The following TMEM117 variants were observed in gnomAD, a reference collection of about 807,000 sequenced individuals.
The protein encoded by TMEM117 is transmembrane protein 117.
TMEM117 carries 27 observed loss-of-function variants against 52.4 expected under a neutral mutation model. The observed-to-expected ratio is 0.51, with a 90% CI of 0.38 to 0.71. TMEM117 has a LOEUF of 0.71. TMEM117 is among the 30% of genes least tolerant of loss of function. TMEM117 has a pLI of 0.00. For missense variants in TMEM117, 556 were observed against 630.5 expected, an observed-to-expected ratio of 0.88 and a Z score of 1.26; for synonymous variants, 215 against 206.3, an observed-to-expected ratio of 1.04 and a Z score of -0.36.
At chr12:44,105,080 T>C (rs968006489) in intron 3 of TMEM117, among the ~76,000 whole-genome samples, 4 of 152,000 alleles carry the variant, frequency 2.6e-5, no homozygotes, top group Non-Finnish European at 5.9e-5. Flanking sequence ...CTTTCTCTCT[T>C]TCTCTTTCTG....
At chr12:44,002,180 A>T (rs1297883883) in intron 3 of TMEM117, among the ~76,000 whole-genome samples, 1 of 152,190 alleles carries the variant, frequency 6.6e-6, no homozygotes, top group Non-Finnish European at 1.5e-5. Flanking sequence ...CCAAGAGAAC[A>T]CCTGCACGAG....
intron 2 of TMEM117, among the ~76,000 whole-genome samples, chr12:43,932,071 C>T (rs993159266): frequency 2.6e-5 from 4 of 151,984 alleles, no homozygotes; most frequent in Admixed American, 1.3e-4. Flanking sequence ...TTGTGTTTCC[C>T]GTATTTACCA....
intron 3 of TMEM117, among the ~76,000 whole-genome samples, chr12:44,110,177 T>G: frequency 8.0e-6 from 1 of 124,782 alleles, no homozygotes; most frequent in South Asian, 2.9e-4. Context: ...ACTTCCTCTT[T>G]TCCTAATTGA....
At chr12:44,160,639 C>G (rs1006136896) in intron 4 of TMEM117, among the ~76,000 whole-genome samples, 1 of 151,796 alleles carries the variant, frequency 6.6e-6, no homozygotes, top group Non-Finnish European at 1.5e-5. Flanking sequence ...ACTGGCTCCA[C>G]AAAAAATTTA....
intron 2 of TMEM117, among the ~76,000 whole-genome samples, chr12:43,850,754 G>C (rs769926589): frequency 1.2e-4 from 18 of 152,120 alleles, no homozygotes; most frequent in Non-Finnish European, 2.4e-4. Flanking sequence ...TATTGGCTTG[G>C]TATATGATAA....
chr12:44,320,035 C>T (rs1270612913), intron 6 of TMEM117, among the ~76,000 whole-genome samples: 2 of 152,184 alleles, frequency 1.3e-5, no homozygotes, highest in Admixed American at 6.5e-5. Flanking sequence ...CCTAAGACTT[C>T]TGCTGAATTT....
intron 6 of TMEM117, among the ~76,000 whole-genome samples, chr12:44,361,144 C>T (rs1951715556): frequency 6.6e-6 from 1 of 152,090 alleles, no homozygotes; most frequent in African/African-American, 2.4e-5. Context: ...ATTAAAGCTA[C>T]CCACTGAGAA....
At chr12:43,888,756 G>A (rs1251436394) in intron 2 of TMEM117, among the ~76,000 whole-genome samples, 1 of 151,954 alleles carries the variant, frequency 6.6e-6, no homozygotes, top group East Asian at 1.9e-4. Context: ...CACCACGTTA[G>A]CCAGGATGGT....
At chr12:44,385,702 A>C (rs572257211) in intron 7 of TMEM117, among the ~76,000 whole-genome samples, 1 of 152,348 alleles carries the variant, frequency 6.6e-6, no homozygotes, top group South Asian at 2.1e-4. Context: ...TACAGTTTAC[A>C]GCAAGAGAAT....
intron 2 of TMEM117, among the ~76,000 whole-genome samples, chr12:43,875,769 C>T (rs1247025525): frequency 6.6e-6 from 1 of 152,102 alleles, no homozygotes; most frequent in Non-Finnish European, 1.5e-5. Flanking sequence ...TTGGGCCGGG[C>T]TAACAGTGAA....
At chr12:43,904,034 C>T (rs967328486) in intron 2 of TMEM117, among the ~76,000 whole-genome samples, 1 of 152,042 alleles carries the variant, frequency 6.6e-6, no homozygotes, top group Non-Finnish European at 1.5e-5. Context: ...AAGTGAATGC[C>T]TGGTCATTTT....
intron 4 of TMEM117, among the ~76,000 whole-genome samples, chr12:44,153,055 C>G (rs1028110742): frequency 6.6e-6 from 1 of 151,454 alleles, no homozygotes; most frequent in Non-Finnish European, 1.5e-5. Context: ...TCCAGAAGTA[C>G]TACAAAAGAA....
rs368779839 is a variant in TMEM117 at position 43,907,231 on chromosome 12, A to G, written c.278-36979A>G. On this transcript the variant is annotated intron_variant, in intron 2 of 7. Transcript: ENST00000266534. ...TAACTGGGAGGCACCCCCCGGCAGG[A>G]GCAGACTGACACCTCACACGGCCGG... is the stretch of plus-strand genomic sequence containing the variant. Among the ~76,000 whole-genome samples the G allele has an allele frequency of 3.2e-3, 480 of 150,264 alleles. 1 individual carries two copies. The highest frequency in any genetic ancestry group is 6.9e-3 in the Middle Eastern group (2 of 290).
chr12:43,846,609 T>C (rs1186445838), intron 2 of TMEM117, among the ~76,000 whole-genome samples: 2 of 152,230 alleles, frequency 1.3e-5, no homozygotes, highest in Non-Finnish European at 2.9e-5. Flanking sequence ...TTTGCCTTCA[T>C]AAAAACTTAC....
chr12:43,979,186 T>A (rs1945720076), intron 3 of TMEM117, among the ~76,000 whole-genome samples: 2 of 151,984 alleles, frequency 1.3e-5, no homozygotes, highest in Admixed American at 1.3e-4. Flanking sequence ...TTTAACCTTT[T>A]GAGGTCTTAT....
intron 3 of TMEM117, among the ~76,000 whole-genome samples, chr12:44,122,296 G>A (rs1018045743): frequency 7.2e-5 from 11 of 151,892 alleles, no homozygotes; most frequent in African/African-American, 2.4e-4. Context: ...TGCCTGCCTC[G>A]GCCTCCCAAA....
At chr12:44,064,038 G>T (rs1051408587) in intron 3 of TMEM117, among the ~76,000 whole-genome samples, 25 of 151,970 alleles carry the variant, frequency 1.6e-4, no homozygotes, top group Admixed American at 5.2e-4. Context: ...GGGCCTCCTG[G>T]GGGGTCTCCT....
chr12:44,115,565 T>C (rs1282103286), intron 3 of TMEM117, among the ~76,000 whole-genome samples: 1 of 152,082 alleles, frequency 6.6e-6, no homozygotes, highest in South Asian at 2.1e-4. Context: ...TGAAGTCATA[T>C]AACTTGTTAT....
chr12:44,051,468 A>G (rs549582300), intron 3 of TMEM117, among the ~76,000 whole-genome samples: 1 of 152,364 alleles, frequency 6.6e-6, no homozygotes, highest in East Asian at 1.9e-4. Context: ...CCAAAAGTAT[A>G]TAATTAAAAA....
Sources: allele counts gnomAD v4.1 joint callset (sites outside exome capture counted in the v4.1 genomes callset), GRCh38; gene constraint gnomAD v4.1.1; transcripts MANE v1.5; gene names NCBI Gene and HGNC (gene_info 2026-07-23, HGNC 2026-07-21).